The following PXDNL variants were observed in gnomAD, a reference collection of about 807,000 sequenced individuals.
The protein encoded by PXDNL is peroxidasin like.
PXDNL carries 145 observed loss-of-function variants against 150.8 expected under a neutral mutation model. The observed-to-expected ratio is 0.96, with a 90% CI of 0.84 to 1.10. The LOEUF is 1.10. Among genes scored for constraint, PXDNL ranks in the 50% least tolerant of loss-of-function variants. PXDNL has a pLI of 0.00. For missense variants in PXDNL, 2,087 were observed against 1,873.9 expected, an observed-to-expected ratio of 1.11 and a Z score of -2.10; for synonymous variants, 757 against 725.7, an observed-to-expected ratio of 1.04 and a Z score of -0.69.
At chr8:51,334,167 C>T (rs1456943719) in intron 21 of PXDNL, among the ~76,000 whole-genome samples, 2 of 151,986 alleles carry the variant, frequency 1.3e-5, no homozygotes, top group African/African-American at 4.8e-5. Flanking sequence ...CCAAAAGGAA[C>T]CCTCAAAACC....
intron 5 of PXDNL, among the ~76,000 whole-genome samples, chr8:51,489,005 A>C (rs1173520153): frequency 6.6e-6 from 1 of 152,240 alleles, no homozygotes; most frequent in Non-Finnish European, 1.5e-5. Context: ...CTTAGGAATT[A>C]AACTCTGATT....
intron 1 of PXDNL, among the ~76,000 whole-genome samples, chr8:51,788,228 G>T (rs1047190587): frequency 1.1e-4 from 16 of 152,208 alleles, no homozygotes; most frequent in African/African-American, 3.9e-4. Flanking sequence ...ATGACTGTAT[G>T]TAAATTAGCT....
chr8:51,534,983 C>T (rs1181129737), intron 4 of PXDNL, among the ~76,000 whole-genome samples: 25 of 112,232 alleles, frequency 2.2e-4, no homozygotes, highest in East Asian at 3.2e-4. Context: ...GTCAGCCCCC[C>T]GCCCGGCCAG....
chr8:51,427,446 A>G (rs987700199), intron 12 of PXDNL, among the ~76,000 whole-genome samples: 1 of 152,158 alleles, frequency 6.6e-6, no homozygotes, highest in African/African-American at 2.4e-5. Flanking sequence ...AACAAAGAAA[A>G]AAAAAGACTA....
At chr8:51,328,006 T>C (rs1805569376) in intron 21 of PXDNL, among the ~76,000 whole-genome samples, 1 of 152,236 alleles carries the variant, frequency 6.6e-6, no homozygotes, top group African/African-American at 2.4e-5. Context: ...GGAGTGCTTT[T>C]GGATGAGATT....
intron 2 of PXDNL, among the ~76,000 whole-genome samples, chr8:51,608,051 A>AAG (rs1229870234): frequency 4.8e-5 from 6 of 125,620 alleles, no homozygotes; most frequent in East Asian, 2.2e-4. Flanking sequence ...GAAAGAAAGA[A>AAG]AGAAAGCAAG....
chr8:51,660,762 G>A (rs936749402), intron 1 of PXDNL, among the ~76,000 whole-genome samples: 7 of 152,156 alleles, frequency 4.6e-5, no homozygotes, highest in Non-Finnish European at 1.0e-4. Context: ...GGGAGAAGCT[G>A]ATTCCTAAAA....
chr8:51,486,794 A>ATTTTTT (rs1195750381), intron 5 of PXDNL, among the ~76,000 whole-genome samples: 2 of 24,714 alleles, frequency 8.1e-5, no homozygotes, highest in African/African-American at 1.8e-4. Flanking sequence ...ATATATATAT[A>ATTTTTT]TTTTTTTTTT....
intron 4 of PXDNL, among the ~76,000 whole-genome samples, chr8:51,522,760 C>T (rs1164634290): frequency 6.6e-6 from 1 of 152,052 alleles, no homozygotes; most frequent in Non-Finnish European, 1.5e-5. Flanking sequence ...AGGAGAATCG[C>T]TTGAACTCAG....
At chr8:51,740,737 C>T (rs1585714092) in intron 1 of PXDNL, among the ~76,000 whole-genome samples, 1 of 151,692 alleles carries the variant, frequency 6.6e-6, no homozygotes, top group East Asian at 1.9e-4. Context: ...AGACCTTTGT[C>T]AGATGGATAT....
chr8:51,531,905 C>T (rs1274179700), intron 4 of PXDNL, among the ~76,000 whole-genome samples: 1 of 152,172 alleles, frequency 6.6e-6, no homozygotes, highest in Non-Finnish European at 1.5e-5. Flanking sequence ...TGAAGTGCTC[C>T]CCCCACCGTC....
Position 51,809,201 on chromosome 8 carries a change from T to C in PXDNL, c.144A>G (p.Val48=). The part of the protein sequence containing the change: ...MHLMLDHIPQ[V]PQQTTVLDLR... ...CTTACAGAACTGTGGTCTGCTGTGG[T>C]ACCTGAGGAATGTGGTCCAGCATCA... Residue 48 remains valine, a synonymous_variant, in exon 1 of 23, where the codon GTA becomes GTG. Coordinates refer to ENST00000356297, the MANE Select transcript of PXDNL (RefSeq NM_144651.5). 1 of 1,613,888 alleles carries C rather than the reference T, an allele frequency of 6.2e-7. No homozygotes were observed. Among genetic ancestry groups the C allele is most frequent in the Non-Finnish European group, 8.5e-7 (1 of 1,179,880 alleles).
intron 1 of PXDNL, among the ~76,000 whole-genome samples, chr8:51,667,613 A>G (rs933916701): frequency 4.6e-5 from 7 of 152,232 alleles, no homozygotes; most frequent in African/African-American, 1.7e-4. Context: ...ATGGATGCCA[A>G]ATACATAAAT....
chr8:51,440,042 T>C (rs1809503975), intron 12 of PXDNL, among the ~76,000 whole-genome samples: 3 of 151,164 alleles, frequency 2.0e-5, no homozygotes, highest in Admixed American at 6.6e-5. Flanking sequence ...CAGATATACA[T>C]ATATATATAT....
At chr8:51,709,307 T>G (rs1816447130) in intron 1 of PXDNL, among the ~76,000 whole-genome samples, 1 of 151,554 alleles carries the variant, frequency 6.6e-6, no homozygotes, top group Non-Finnish European at 1.5e-5. Context: ...CAGGCTGGAG[T>G]GCAATGGTGC....
chr8:51,351,463 G>A (rs2130720400), intron 19 of PXDNL, among the ~76,000 whole-genome samples: 1 of 152,308 alleles, frequency 6.6e-6, no homozygotes, highest in Non-Finnish European at 1.5e-5. Context: ...ACCATGAAAA[G>A]TAGGGTGAGG....
intron 4 of PXDNL, among the ~76,000 whole-genome samples, chr8:51,536,405 AG>A (rs1812080098): frequency 6.6e-6 from 1 of 152,236 alleles, no homozygotes; most frequent in Admixed American, 6.5e-5. Context: ...GGGAAGAAAA[AG>A]AACAGTAGCT....
At chr8:51,804,314 G>T (rs1432652375) in intron 1 of PXDNL, among the ~76,000 whole-genome samples, 1 of 152,174 alleles carries the variant, frequency 6.6e-6, no homozygotes, top group Non-Finnish European at 1.5e-5. Context: ...GCAGAGGGGT[G>T]ACTTTGAGTA....
At chr8:51,591,597 T>A (rs904226370) in intron 3 of PXDNL, among the ~76,000 whole-genome samples, 1 of 151,566 alleles carries the variant, frequency 6.6e-6, no homozygotes, top group Non-Finnish European at 1.5e-5. Flanking sequence ...AACATATTTG[T>A]ATAAAAATGT....
Sources: gnomAD v4.1 joint callset for allele counts (sites outside exome capture counted in the v4.1 genomes callset) on GRCh38, gnomAD v4.1.1 for gene constraint, MANE v1.5 for transcripts, NCBI Gene and HGNC (gene_info 2026-07-23, HGNC 2026-07-21) for gene names.